The following FAM184A variants were observed in gnomAD, a reference collection of about 807,000 sequenced individuals.
FAM184A encodes the protein protein FAM184A.
FAM184A carries 99 observed loss-of-function variants against 143.8 expected under a neutral mutation model. The observed-to-expected ratio is 0.69, with a 90% CI of 0.58 to 0.81. FAM184A has a LOEUF of 0.81. Among genes scored for constraint, FAM184A ranks in the 40% least tolerant of loss-of-function variants. The pLI is 0.00. For synonymous variants in FAM184A, 427 were observed against 446.4 expected (o/e 0.96, Z 0.55); for missense variants, 1,217 against 1,310.5 (o/e 0.93, Z 1.10).
intron 1 of FAM184A, among the ~76,000 whole-genome samples, chr6:119,107,670 C>T (rs918351580): frequency 1.3e-5 from 2 of 151,168 alleles, no homozygotes; most frequent in African/African-American, 4.9e-5. Context: ...TCCAGCTACT[C>T]GGGAGGCTGA....
chr6:119,053,142 TG>T (rs111652236), intron 1 of FAM184A, among the ~76,000 whole-genome samples: 23 of 152,310 alleles, frequency 1.5e-4, no homozygotes, highest in African/African-American at 5.5e-4. Context: ...AAGAGCTATT[TG>T]GGTCATACAT....
rs145736416 is a variant in FAM184A, at chr6:119,057,604, T to C, written c.159+20537A>G. Among the ~76,000 whole-genome samples, 3 of 152,178 alleles carry C rather than the reference T, an allele frequency of 2.0e-5. 1 individual carries two copies. Among genetic ancestry groups the C allele is most frequent in the East Asian group, 3.9e-4 (2 of 5,168 alleles). On this transcript the variant is annotated intron_variant, in intron 1 of 17. Transcript: ENST00000338891. ...AAAAATTTTTTTAATTATTCAGGTG[T>C]GGTGGTGCACACCTGTAGTTCCAGC... is the stretch of plus-strand genomic sequence containing the variant.
At chr6:118,979,633 G>A in intron 10 of FAM184A, 115 bp from the exon 11 acceptor site, 1 of 809,462 alleles carries the variant, frequency 1.2e-6, no homozygotes, top group Non-Finnish European at 1.8e-6. Context: ...AATGTTTTAG[G>A]TTCATTTTCA....
intron 1 of FAM184A, among the ~76,000 whole-genome samples, chr6:119,142,229 G>A (rs1294302725): frequency 6.6e-6 from 1 of 152,182 alleles, no homozygotes; most frequent in Non-Finnish European, 1.5e-5. Flanking sequence ...TCTAGGGTGT[G>A]GTATTTATGG....
rs1442911492 is a variant in FAM184A at position 119,078,603 on chromosome 6, G to C, written c.-304C>G. ...TCCTCGGCCCGCGCCTGGCGGAGGC[G>C]TCGAGGACAGCGCAGCTCCGCGGGT... is the stretch of plus-strand genomic sequence containing the variant. On this transcript the variant is annotated 5_prime_UTR_variant, in exon 1 of 18. Coordinates refer to ENST00000338891, the MANE Select transcript of FAM184A (RefSeq NM_024581.6). This position sits in a 1 kb window ranked among gnomAD's most constrained non-coding sequence, Gnocchi z 5.5. The C allele has an allele frequency of 9.0e-6, 2 of 221,554 alleles. No individual in the cohort carries two copies. Among genetic ancestry groups the C allele is most frequent in the Admixed American group, 1.2e-4 (2 of 17,116 alleles). The allele number at this position is 221,554 out of a possible 1,614,324, so 13.7% of individuals were successfully genotyped here.
At chr6:119,021,431 A>G (rs937348631) in intron 3 of FAM184A, among the ~76,000 whole-genome samples, 1 of 152,204 alleles carries the variant, frequency 6.6e-6, no homozygotes, top group African/African-American at 2.4e-5. Context: ...GTAAAAATGA[A>G]CCTTAGTAAC....
chr6:119,105,711 C>T (rs1788759757), intron 1 of FAM184A, among the ~76,000 whole-genome samples: 1 of 152,086 alleles, frequency 6.6e-6, no homozygotes, highest in African/African-American at 2.4e-5. Context: ...AAACAGGTAC[C>T]TTCAGTTTTG....
chr6:119,089,289 C>T (rs1582605953), intron 1 of FAM184A, among the ~76,000 whole-genome samples: 2 of 151,532 alleles, frequency 1.3e-5, no homozygotes, highest in South Asian at 2.1e-4. Context: ...CTGCAACCTC[C>T]ACCTCCCAGG....
upstream of FAM184A, chr6:119,078,895 C>A (rs1320445): frequency 6.5e-6 from 1 of 152,948 alleles, no homozygotes; most frequent in Non-Finnish European, 1.5e-5. The surrounding 1 kb of genome is among the most constrained non-coding windows in gnomAD (Gnocchi z 5.5). Flanking sequence ...AGTGCTTCCC[C>A]CGTGTGGCGG....
At chr6:119,052,493 C>T (rs1009646767) in intron 1 of FAM184A, among the ~76,000 whole-genome samples, 1 of 152,232 alleles carries the variant, frequency 6.6e-6, no homozygotes, top group African/African-American at 2.4e-5. Context: ...TCGGCTTCCC[C>T]TCATGCTGTG....
At chr6:119,043,025 G>A (rs549315726) in intron 1 of FAM184A, among the ~76,000 whole-genome samples, 71 of 152,186 alleles carry the variant, frequency 4.7e-4, no homozygotes, top group African/African-American at 1.7e-3. Flanking sequence ...AGAATTCTCT[G>A]AAGAAAATTA....
intron 1 of FAM184A, among the ~76,000 whole-genome samples, chr6:119,086,298 AG>A (rs1788221405): frequency 3.9e-5 from 6 of 152,224 alleles, no homozygotes; most frequent in African/African-American, 1.4e-4. Flanking sequence ...TAGTCTCTTC[AG>A]GGCAGTAGTC....
intron 1 of FAM184A, among the ~76,000 whole-genome samples, chr6:119,137,287 C>T (rs1789697366): frequency 6.7e-6 from 1 of 149,728 alleles, no homozygotes; most frequent in South Asian, 2.2e-4. Flanking sequence ...TGTGTGTATG[C>T]TTGTGTGTGT....
At chr6:119,033,990 CAAAAAAAAAAAAA>C (rs59719185) in intron 1 of FAM184A, among the ~76,000 whole-genome samples, 2 of 17,388 alleles carry the variant, frequency 1.2e-4, no homozygotes, top group African/African-American at 5.1e-4. Context: ...GACTCTGTCT[CAAAAAAAAAAAAA>C]AAAAAAAAAA....
At chr6:119,112,136 T>C (rs1187392450) in intron 1 of FAM184A, among the ~76,000 whole-genome samples, 3 of 151,316 alleles carry the variant, frequency 2.0e-5, no homozygotes, top group Non-Finnish European at 1.5e-5. Context: ...TTTCTTTCTT[T>C]CTTTTTTTTT....
rs568380696 is a variant in FAM184A at position 119,136,000 on chromosome 6, C to T, written c.-202+13078G>A. Among the ~76,000 whole-genome samples, 7 of 151,064 alleles carry T rather than the reference C, an allele frequency of 4.6e-5. No homozygotes were observed. In the South Asian group the frequency reaches 1.0e-3, roughly 22 times the overall value. On this transcript the variant is annotated intron_variant, in intron 1 of 16. Coordinates refer to the FAM184A transcript ENST00000352896. ...AAAAGCAGAAAGAATATTTCCAGGC[C>T]GGGCGCGGTGGCTCACGCCTGTAAT...
upstream of FAM184A, chr6:119,079,154 G>GAC (rs1447124189): frequency 6.6e-6 from 1 of 152,290 alleles, no homozygotes; most frequent in Non-Finnish European, 1.5e-5. Flanking sequence ...TCCCTGCCCT[G>GAC]ACCTTCCTTC....
chr6:119,031,855 T>G (rs545027004), intron 1 of FAM184A, among the ~76,000 whole-genome samples: 1 of 152,284 alleles, frequency 6.6e-6, no homozygotes, highest in African/African-American at 2.4e-5. Context: ...CACATTTCAT[T>G]TGGAAGAGTA....
At chr6:118,968,443 A>C (rs566506524) in intron 14 of FAM184A, among the ~76,000 whole-genome samples, 1 of 152,224 alleles carries the variant, frequency 6.6e-6, no homozygotes, top group Admixed American at 6.5e-5. Flanking sequence ...GTGACAATAG[A>C]GACCAAGTGA....
Sources: allele counts gnomAD v4.1 joint callset (sites outside exome capture counted in the v4.1 genomes callset), GRCh38; gene constraint gnomAD v4.1.1; non-coding constraint Gnocchi (gnomAD v3.1); transcripts MANE v1.5; gene names NCBI Gene and HGNC (gene_info 2026-07-23, HGNC 2026-07-21).